Variants in ACVR1 observed in about 807,000 individuals in gnomAD.
The protein encoded by ACVR1 is activin A receptor type 1.
A neutral mutation model predicts 57.1 loss-of-function variants in ACVR1; 38 were observed. The ratio of observed to expected loss-of-function variants is 0.67; its 90% CI spans 0.51 to 0.87. The LOEUF (loss-of-function observed/expected upper bound fraction) is 0.87. ACVR1 is among the 40% of genes least tolerant of loss of function. The pLI is 0.00. For synonymous variants in ACVR1, 212 were observed against 228.1 expected, an observed-to-expected ratio of 0.93 and a Z score of 0.63; for missense variants, 463 against 638.2, an observed-to-expected ratio of 0.73 and a Z score of 2.96.
chr2:157,768,750 T>C (rs1263961047), intron 7 of ACVR1, among the ~76,000 whole-genome samples: 1 of 152,226 alleles, frequency 6.6e-6, no homozygotes, highest in East Asian at 1.9e-4. Flanking sequence ...GGCTGCCTGA[T>C]GTAATTTCCA....
chr2:157,804,941 G>C lies in ACVR1; in HGVS notation c.-7-5441C>G, dbSNP rs181283853. On this transcript the variant is annotated intron_variant, in intron 2 of 10. Coordinates refer to ENST00000434821, the MANE Select transcript of ACVR1 (RefSeq NM_001111067.4). The stretch of plus-strand genomic sequence containing the variant: ...CTAATGTATGTGGGCTTGAAACCAA[G>C]TTTGGCACTTTTTTTGCTCATCACA... Among the ~76,000 whole-genome samples the C allele has an allele frequency of 2.8e-4, 43 of 152,328 alleles. 1 individual carries two copies. Among genetic ancestry groups the C allele is most frequent in the Non-Finnish European group, 5.7e-4 (39 of 68,026 alleles).
intron 3 of ACVR1, among the ~76,000 whole-genome samples, chr2:157,780,852 T>G (rs1686492299): frequency 6.6e-6 from 1 of 152,202 alleles, no homozygotes; most frequent in African/African-American, 2.4e-5. Flanking sequence ...GGACAAAGAC[T>G]GGCTATCATC....
intron 7 of ACVR1, among the ~76,000 whole-genome samples, chr2:157,766,833 C>T (rs996177638): frequency 3.3e-5 from 5 of 152,150 alleles, no homozygotes; most frequent in East Asian, 1.9e-4. Flanking sequence ...GATGTAAAAA[C>T]GAAAACACTA....
Position 157,737,406 on chromosome 2 carries a change from G to T in ACVR1, c.*125C>A. 1 of 1,319,974 alleles carries T rather than the reference G, an allele frequency of 7.6e-7. No homozygotes were observed. The highest frequency in any genetic ancestry group is 1.1e-6 in the Non-Finnish European group (1 of 944,370). The allele number at this position is 1,319,974 out of a possible 1,614,324, so 81.8% of individuals were successfully genotyped here. ...CATGGCTGGGTACGACGTCTGCCTT[G>T]TCAAAGCAGCCATTTGGGGAGGGAG... On this transcript the variant is annotated 3_prime_UTR_variant, in exon 11 of 11. Transcript: ENST00000434821.
At chr2:157,803,581 T>C (rs776914394) in intron 2 of ACVR1, among the ~76,000 whole-genome samples, 8 of 152,170 alleles carry the variant, frequency 5.3e-5, no homozygotes, top group Non-Finnish European at 1.2e-4. Context: ...AATTTTAAAA[T>C]ATACTAAAAA....
chr2:157,787,547 C>CCAGTGAATTGTAAA (rs1453882127), intron 3 of ACVR1, among the ~76,000 whole-genome samples: 1 of 152,036 alleles, frequency 6.6e-6, no homozygotes, highest in African/African-American at 2.4e-5. Flanking sequence ...GAAGAAAGTC[C>CCAGTGAATTGTAAA]CAGTGAATTG....
chr2:157,814,209 G>A (rs1034665961), intron 2 of ACVR1, among the ~76,000 whole-genome samples: 16 of 152,092 alleles, frequency 1.1e-4, no homozygotes, highest in African/African-American at 1.4e-4. Context: ...AATGGCCAAC[G>A]GAGAAAAATA....
intron 3 of ACVR1, among the ~76,000 whole-genome samples, chr2:157,797,846 G>A (rs192155782): frequency 3.3e-5 from 5 of 152,220 alleles, no homozygotes; most frequent in African/African-American, 1.2e-4. Flanking sequence ...CAAGGTGAGG[G>A]TATTAGGGCA....
At position 157,802,232 on chromosome 2, in the gene ACVR1, C is replaced by T. The variant is rs1341594971; in HGVS notation, c.-7-2732G>A. On this transcript the variant is annotated intron_variant, in intron 2 of 10. Transcript: ENST00000434821. The stretch of plus-strand genomic sequence containing the variant: ...GGTGGGAGAGGGTGAATACAGGACA[C>T]AGATAGGGTAATATTTAAGGGAAAA... 3.3e-5 allele frequency among the ~76,000 whole-genome samples: 5 copies of T among 151,898 alleles called. No individual in the cohort carries two copies. In the East Asian group the frequency reaches 9.6e-4, roughly 29 times the overall value.
intron 2 of ACVR1, among the ~76,000 whole-genome samples, chr2:157,812,087 T>C (rs1208202267): frequency 1.3e-5 from 2 of 152,218 alleles, no homozygotes; most frequent in African/African-American, 4.8e-5. Flanking sequence ...CATGAAGTAT[T>C]TTATAAATAT....
intron 3 of ACVR1, among the ~76,000 whole-genome samples, chr2:157,796,681 T>C (rs372095077): frequency 6.6e-4 from 100 of 152,048 alleles, no homozygotes; most frequent in African/African-American, 2.3e-3. Context: ...ATAATCATTA[T>C]TTACCAATTT....
intron 2 of ACVR1, among the ~76,000 whole-genome samples, chr2:157,810,217 C>T (rs1687703805): frequency 6.6e-6 from 1 of 152,210 alleles, no homozygotes; most frequent in Admixed American, 6.5e-5. Context: ...ACGTGGGAAT[C>T]CTTCCAATAG....
intron 3 of ACVR1, among the ~76,000 whole-genome samples, chr2:157,786,112 T>C (rs1283818021): frequency 6.6e-6 from 1 of 152,226 alleles, no homozygotes; most frequent in Non-Finnish European, 1.5e-5. Context: ...TCAGTGCCTT[T>C]CTACTGTGCA....
intron 3 of ACVR1, among the ~76,000 whole-genome samples, chr2:157,781,099 A>G (rs1686504709): frequency 6.6e-6 from 1 of 152,258 alleles, no homozygotes; most frequent in African/African-American, 2.4e-5. Context: ...GAATGCTGAC[A>G]TTCTTGCAGG....
chr2:157,752,344 C>G (rs979130076), intron 9 of ACVR1, among the ~76,000 whole-genome samples: 2 of 152,158 alleles, frequency 1.3e-5, no homozygotes, highest in Non-Finnish European at 2.9e-5. Context: ...CTGACATAGC[C>G]TATCCAAATG....
Position 157,875,923 on chromosome 2 carries a change from G to T in ACVR1, c.-310C>A. ...GGCGGTGCAGCCGGCGAGGGAGCCC[G>T]GAACTCTGCGGGGCCGGGAGCCGGG... On this transcript the variant is annotated 5_prime_UTR_variant, in exon 1 of 11. Coordinates refer to ENST00000434821, the MANE Select transcript of ACVR1 (RefSeq NM_001111067.4). 1 of 148,486 alleles carries T rather than the reference G, an allele frequency of 6.7e-6. No homozygotes were observed. Among genetic ancestry groups the T allele is most frequent in the Non-Finnish European group, 1.5e-5 (1 of 66,480 alleles). The allele number at this position is 148,486 out of a possible 1,614,324, so 9.2% of individuals were successfully genotyped here. A position where few individuals can be genotyped will look rare whatever the true frequency, so the allele number is the denominator to read the frequency against.
At chr2:157,864,065 T>C (rs6741848) in intron 1 of ACVR1, among the ~76,000 whole-genome samples, 11,372 of 151,686 alleles carry the variant, frequency 0.075, 544 homozygotes, top group African/African-American at 0.13. Flanking sequence ...TTTCACACCA[T>C]GTTAGTCAGG....
chr2:157,751,608 G>C (rs751802273), intron 9 of ACVR1, among the ~76,000 whole-genome samples: 8 of 152,236 alleles, frequency 5.3e-5, no homozygotes, highest in Non-Finnish European at 1.2e-4. Flanking sequence ...TGCTGTTGAG[G>C]GGGTGGGGAG....
At chr2:157,812,502 A>T (rs973947433) in intron 2 of ACVR1, among the ~76,000 whole-genome samples, 14 of 152,294 alleles carry the variant, frequency 9.2e-5, no homozygotes, top group African/African-American at 3.1e-4. Context: ...ATCACAAAAA[A>T]AATTCACCTT....
Sources: gnomAD v4.1 joint callset for allele counts (sites outside exome capture counted in the v4.1 genomes callset) on GRCh38, gnomAD v4.1.1 for gene constraint, MANE v1.5 for transcripts, NCBI Gene and HGNC (gene_info 2026-07-23, HGNC 2026-07-21) for gene names.